The following POLR1A variants were observed in gnomAD, a reference collection of about 807,000 sequenced individuals.
POLR1A encodes the protein RNA polymerase I subunit A.
In POLR1A, 84 loss-of-function variants were observed where a neutral mutation model predicts 205.3. That is an observed-to-expected ratio of 0.41 (90% CI 0.34 to 0.49). The LOEUF (loss-of-function observed/expected upper bound fraction) is 0.49, where lower values mean the gene tolerates loss of function less well. Among genes scored for constraint, POLR1A ranks in the 20% least tolerant of loss-of-function variants. The pLI is 0.22. For synonymous variants in POLR1A, 799 were observed against 863.7 expected (o/e 0.93, Z 1.31); for missense variants, 1,645 against 2,204.5 (o/e 0.75, Z 5.08).
chr2:86,073,461 C>G (rs1573823390), intron 12 of POLR1A, among the ~76,000 whole-genome samples: 1 of 152,276 alleles, frequency 6.6e-6, no homozygotes, highest in East Asian at 1.9e-4. Context: ...GAGAGAGCAG[C>G]AAGAATTCGC....
In POLR1A at chr2:86,028,557, C is replaced by T. The variant is rs763969242; in HGVS notation, c.4897+37G>A. 1.2e-5 allele frequency: 18 copies of T among 1,493,486 alleles called. No homozygotes were observed. The highest frequency in any genetic ancestry group is 2.8e-5 in the African/African-American group (2 of 72,568). The allele number at this position is 1,493,486 out of a possible 1,614,324, so 92.5% of individuals were successfully genotyped here. A position where few individuals can be genotyped will look rare whatever the true frequency, so the allele number is the denominator to read the frequency against. ...GAGCCTTCTGGTGTCCTGGCTGGTG[C>T]CCAGACCTCGGGGTGTTATCTGCAA... On this transcript the variant is annotated intron_variant, in intron 32 of 33. Coordinates refer to ENST00000263857, the MANE Select transcript of POLR1A (RefSeq NM_015425.6). This position sits in a 1 kb window ranked among gnomAD's most constrained non-coding sequence, Gnocchi z 4.5.
chr2:86,099,655 G>A (rs1342870132), intron 2 of POLR1A, among the ~76,000 whole-genome samples: 1 of 152,124 alleles, frequency 6.6e-6, no homozygotes, highest in Admixed American at 6.5e-5. Context: ...GTGCCACTGA[G>A]ATTTCTGAAG....
Position 86,033,669 on chromosome 2 carries a change from T to A in POLR1A, c.4153A>T (p.Arg1385Trp). 1 of 1,613,356 alleles carries A rather than the reference T, an allele frequency of 6.2e-7. No homozygotes were observed. The highest frequency in any genetic ancestry group is 1.1e-5 in the South Asian group (1 of 91,040). Residue 1385 changes from arginine (R) to tryptophan (W), a missense_variant, in exon 28 of 34, where the codon AGG becomes TGG. Transcript: ENST00000263857. ...CCCGGGGACTCACTCACCCGACTCC[T>A]CCCCAACTCCCCAGCGTTGTCCAGA... ...RDLDNAGELG[R>W]SRGEQEGDEE...
chr2:86,039,949 G>C (rs1672568106), intron 25 of POLR1A: 1 of 196,736 alleles, frequency 5.1e-6, no homozygotes, highest in Admixed American at 5.3e-5. Flanking sequence ...ACTGAATGCA[G>C]ATGGGTCTGA....
intron 3 of POLR1A, 123 bp from the exon 4 acceptor site, chr2:86,090,052 G>C: frequency 1.6e-6 from 1 of 623,952 alleles, no homozygotes; most frequent in Non-Finnish European, 2.8e-6. Flanking sequence ...AGAAACTATG[G>C]CTACTGTGTT....
At chr2:86,030,927 CT>C (rs1672374707) in intron 30 of POLR1A, among the ~76,000 whole-genome samples, 1 of 152,178 alleles carries the variant, frequency 6.6e-6, no homozygotes, top group Non-Finnish European at 1.5e-5. Context: ...AACAGTGTCT[CT>C]ACAACACGTG....
Position 86,098,597 on chromosome 2 carries a change from C to A in POLR1A, c.432+14G>T. On this transcript the variant is annotated intron_variant, in intron 3 of 33. Coordinates refer to ENST00000263857, the MANE Select transcript of POLR1A (RefSeq NM_015425.6). ...TGCCTTTTCTGATTTCTGTGACCAC[C>A]ACTACCCACCTACCCTGTTCAGAAT... The A allele has an allele frequency of 6.2e-7, 1 of 1,611,554 alleles. No individual in the cohort carries two copies. The highest frequency in any genetic ancestry group is 8.5e-7 in the Non-Finnish European group (1 of 1,179,254).
chr2:86,043,636 T>C (rs1326770337), intron 22 of POLR1A, among the ~76,000 whole-genome samples: 1 of 152,070 alleles, frequency 6.6e-6, no homozygotes, highest in Non-Finnish European at 1.5e-5. Context: ...TATCTGCAAA[T>C]GGGGTGACTG....
intron 6 of POLR1A, among the ~76,000 whole-genome samples, chr2:86,087,204 C>T (rs979515543): frequency 1.3e-5 from 2 of 152,184 alleles, no homozygotes; most frequent in Admixed American, 6.5e-5. Flanking sequence ...TACTACTCTT[C>T]TATTAAGTCT....
At chr2:86,092,129 A>G (rs1447267592) in intron 3 of POLR1A, among the ~76,000 whole-genome samples, 1 of 152,152 alleles carries the variant, frequency 6.6e-6, no homozygotes, top group East Asian at 1.9e-4. Flanking sequence ...AAATAAATAA[A>G]TAAAAATAAA....
intron 24 of POLR1A, 47 bp downstream of exon 24, chr2:86,041,842 G>T: frequency 1.3e-6 from 2 of 1,509,916 alleles, no homozygotes; most frequent in Non-Finnish European, 1.8e-6. Context: ...CAGGGGCTAG[G>T]AGGCAGATTC....
chr2:86,062,180 T>C (rs17618001), intron 14 of POLR1A, among the ~76,000 whole-genome samples: 5,424 of 152,276 alleles, frequency 0.036, 229 homozygotes, highest in East Asian at 0.23. Flanking sequence ...GGCTGAACCA[T>C]GAACAAATTC....
chr2:86,081,537 G>T, intron 8 of POLR1A, 64 bp downstream of exon 8: 2 of 1,024,094 alleles, frequency 2.0e-6, no homozygotes, highest in Non-Finnish European at 3.0e-6. Flanking sequence ...CTCTCCTAGA[G>T]GTCACATTTC....
chr2:86,027,106 T>C lies in POLR1A; in HGVS notation c.*317A>G, dbSNP rs1672273659. 1 of 389,698 alleles carries C rather than the reference T, an allele frequency of 2.6e-6. No homozygotes were observed. Among genetic ancestry groups the C allele is most frequent in the South Asian group, 3.5e-5 (1 of 28,808 alleles). The allele number at this position is 389,698 out of a possible 1,614,324, so 24.1% of individuals were successfully genotyped here. A position where few individuals can be genotyped will look rare whatever the true frequency, so the allele number is the denominator to read the frequency against. ...TGAATCGTGAATCAGGACTTCTCCT[T>C]AGGGGTTATGCCACAGAGGCCTCCT... On this transcript the variant is annotated 3_prime_UTR_variant, in exon 34 of 34. Coordinates refer to ENST00000263857, the MANE Select transcript of POLR1A (RefSeq NM_015425.6).
intron 23 of POLR1A, among the ~76,000 whole-genome samples, 190 bp from the exon 24 acceptor site, chr2:86,042,293 T>C (rs1672624274): frequency 6.6e-6 from 1 of 152,162 alleles, no homozygotes; most frequent in South Asian, 2.1e-4. Flanking sequence ...ACTATAAGCC[T>C]AGCAGCTCTT....
At chr2:86,057,658 T>C (rs1014959777) in intron 14 of POLR1A, among the ~76,000 whole-genome samples, 1 of 152,110 alleles carries the variant, frequency 6.6e-6, no homozygotes, top group African/African-American at 2.4e-5. Flanking sequence ...TACTAAAAAA[T>C]GGATGGAACT....
chr2:86,039,065 T>C (rs1356038958), intron 26 of POLR1A: 3 of 644,352 alleles, frequency 4.7e-6, no homozygotes, highest in Non-Finnish European at 8.0e-6. Context: ...CTGAACCTCC[T>C]AGGAGTGGCC....
Position 86,031,682 on chromosome 2 carries a change from C to T in POLR1A, c.4273-47G>A, listed in dbSNP as rs371842500. 1.9e-6 allele frequency: 3 copies of T among 1,569,354 alleles called. No homozygotes were observed. The African/African-American group carries it at 4.0e-5, about 21-fold the overall frequency. On this transcript the variant is annotated intron_variant, in intron 29 of 33. Transcript: ENST00000263857. ...GCTGTGTCACTTGGGGACCCACCAT[C>T]TACCTGGACTCTGCCTGTGGAACAA...
chr2:86,071,037 A>G (rs1036508824), intron 12 of POLR1A, among the ~76,000 whole-genome samples: 1 of 152,066 alleles, frequency 6.6e-6, no homozygotes, highest in Non-Finnish European at 1.5e-5. Flanking sequence ...GCCCCATAGA[A>G]GGGGCAATAG....
Sources: allele counts gnomAD v4.1 joint callset (sites outside exome capture counted in the v4.1 genomes callset), GRCh38; gene constraint gnomAD v4.1.1; non-coding constraint Gnocchi (gnomAD v3.1); transcripts MANE v1.5; gene names NCBI Gene and HGNC (gene_info 2026-07-23, HGNC 2026-07-21).